Variants in CSMD1 observed in about 807,000 individuals in gnomAD.
CSMD1 encodes the protein CUB and sushi domain-containing protein 1.
CSMD1 carries 213 observed loss-of-function variants against 417.5 expected under a neutral mutation model. The observed-to-expected ratio is 0.51, with a 90% CI of 0.46 to 0.57. CSMD1 has a LOEUF of 0.57. Among genes scored for constraint, CSMD1 ranks in the 20% least tolerant of loss-of-function variants. The pLI is 0.00. For synonymous variants in CSMD1, 2,862 were observed against 1,736.8 expected, an observed-to-expected ratio of 1.65 and a Z score of -16.11; for missense variants, 6,923 against 4,529.7, an observed-to-expected ratio of 1.53 and a Z score of -15.17.
At chr8:3,607,346 C>T (rs1385103247) in intron 8 of CSMD1, among the ~76,000 whole-genome samples, 1 of 152,198 alleles carries the variant, frequency 6.6e-6, no homozygotes, top group Admixed American at 6.5e-5. Flanking sequence ...CCTGAAGGAC[C>T]TGCCTGGGGC....
chr8:3,111,897 G>T (rs1308175846), intron 42 of CSMD1, among the ~76,000 whole-genome samples: 1 of 152,058 alleles, frequency 6.6e-6, no homozygotes, highest in Non-Finnish European at 1.5e-5. Flanking sequence ...TTTGTCTCCT[G>T]TTGGCAGTGC....
intron 3 of CSMD1, among the ~76,000 whole-genome samples, chr8:4,157,346 C>G (rs1325436905): frequency 6.6e-6 from 1 of 152,202 alleles, no homozygotes; most frequent in African/African-American, 2.4e-5. Flanking sequence ...AAGATATTTA[C>G]CATCATTTTC....
chr8:4,139,572 C>T (rs540804970), intron 3 of CSMD1, among the ~76,000 whole-genome samples: 1 of 151,284 alleles, frequency 6.6e-6, no homozygotes, highest in South Asian at 2.1e-4. Context: ...GCTCCCTGAG[C>T]TGCCTATGGA....
At chr8:4,150,827 G>A (rs1354413228) in intron 3 of CSMD1, among the ~76,000 whole-genome samples, 2 of 151,970 alleles carry the variant, frequency 1.3e-5, no homozygotes, top group African/African-American at 4.8e-5. Context: ...AAGACAGGGA[G>A]GGACAGAATA....
Position 3,348,202 on chromosome 8 carries a change from G to C in CSMD1, c.3305-41C>G. ...CATGAGAGAAAGAGGATTCAAAAGTGGAATTACTGTTTTTAACAGATTAAA... is the reference window on the plus strand; with the variant it reads ...CATGAGAGAAAGAGGATTCAAAAGTCGAATTACTGTTTTTAACAGATTAAA... On this transcript the variant is annotated intron_variant, in intron 21 of 69. Coordinates refer to ENST00000635120, the MANE Select transcript of CSMD1 (RefSeq NM_033225.6). 2.0e-6 allele frequency: 3 copies of C among 1,527,968 alleles called. No individual in the cohort carries two copies. The South Asian group carries it at 3.6e-5, about 18-fold the overall frequency. 94.7% of individuals were successfully genotyped at this position (1,527,968 alleles called of 1,614,324 possible).
intron 5 of CSMD1, among the ~76,000 whole-genome samples, chr8:3,757,092 T>C (rs1402668904): frequency 6.6e-6 from 1 of 152,172 alleles, no homozygotes; most frequent in Non-Finnish European, 1.5e-5. Flanking sequence ...CGTGAACCAC[T>C]GTGCCAGCCT....
chr8:3,093,916 T>C (rs1487288909), intron 47 of CSMD1, among the ~76,000 whole-genome samples: 2 of 152,178 alleles, frequency 1.3e-5, no homozygotes, highest in Non-Finnish European at 2.9e-5. Context: ...GTGGCTGGTA[T>C]TTCATAATCA....
At position 3,326,143 on chromosome 8, in the gene CSMD1, T is replaced by A. The variant is rs146404782; in HGVS notation, c.3631+17151A>T. Among the ~76,000 whole-genome samples the A allele has an allele frequency of 5.6e-4, 85 of 152,278 alleles. 1 individual carries two copies. The East Asian group carries it at 0.015, about 26-fold the overall frequency. Reference sequence around the variant, plus strand: ...GAATCCAAGCACAGAATGGTTTCAGTGGGACGTTCGACAACATCATACACT... The same window carrying A: ...GAATCCAAGCACAGAATGGTTTCAGAGGGACGTTCGACAACATCATACACT... On this transcript the variant is annotated intron_variant, in intron 23 of 69. Transcript: ENST00000635120.
chr8:3,974,938 C>T (rs538495073), intron 5 of CSMD1, among the ~76,000 whole-genome samples: 1 of 152,012 alleles, frequency 6.6e-6, no homozygotes, highest in African/African-American at 2.4e-5. Context: ...TTACTTCGAA[C>T]AAATCAAAAC....
At chr8:4,717,437 C>T (rs1216464821) in intron 1 of CSMD1, among the ~76,000 whole-genome samples, 1 of 150,210 alleles carries the variant, frequency 6.7e-6, no homozygotes, top group Admixed American at 6.6e-5. Context: ...TACACATACA[C>T]TATATATATA....
At chr8:3,726,942 C>A (rs888296921) in intron 6 of CSMD1, among the ~76,000 whole-genome samples, 10 of 152,200 alleles carry the variant, frequency 6.6e-5, no homozygotes, top group African/African-American at 2.4e-4. Flanking sequence ...CAATTAATGA[C>A]TAAACTCTGA....
chr8:4,348,866 C>T (rs1189829881), intron 3 of CSMD1, among the ~76,000 whole-genome samples: 1 of 152,152 alleles, frequency 6.6e-6, no homozygotes, highest in East Asian at 1.9e-4. Context: ...CTTAGTTCAT[C>T]TACATGTCTG....
At chr8:3,774,322 T>C (rs189778147) in intron 5 of CSMD1, among the ~76,000 whole-genome samples, 11 of 152,218 alleles carry the variant, frequency 7.2e-5, no homozygotes, top group African/African-American at 2.6e-4. Flanking sequence ...TTCAGTAGAG[T>C]ACACAGTGCC....
intron 12 of CSMD1, among the ~76,000 whole-genome samples, chr8:3,429,357 G>A (rs546639623): frequency 1.3e-5 from 2 of 152,172 alleles, no homozygotes; most frequent in Non-Finnish European, 2.9e-5. Flanking sequence ...AAACAATTTG[G>A]TAACTTTTTA....
intron 1 of CSMD1, among the ~76,000 whole-genome samples, chr8:4,775,833 T>C (rs572501355): frequency 1.4e-4 from 22 of 152,264 alleles, no homozygotes; most frequent in African/African-American, 5.1e-4. Context: ...AAGTTCCCCT[T>C]AATATTGTTA....
chr8:3,558,630 C>CAATGATGAATGGTGT (rs1799321095), intron 10 of CSMD1, among the ~76,000 whole-genome samples: 2 of 98,590 alleles, frequency 2.0e-5, no homozygotes, highest in South Asian at 3.3e-4. Context: ...ATGAATAGTG[C>CAATGATGAATGGTGT]CTCAATAGTA....
chr8:3,834,274 C>A (rs1038936828), intron 5 of CSMD1, among the ~76,000 whole-genome samples: 6 of 152,128 alleles, frequency 3.9e-5, no homozygotes, highest in African/African-American at 2.4e-5. Context: ...GTATCTAGGG[C>A]TCTTCCAACT....
Position 4,269,419 on chromosome 8 carries a change from T to C in CSMD1, c.415+150534A>G, listed in dbSNP as rs567293701. Among the ~76,000 whole-genome samples, 32 of 152,290 alleles carry C rather than the reference T, an allele frequency of 2.1e-4. No homozygotes were observed. In the South Asian group the frequency reaches 6.4e-3, roughly 31 times the overall value. On this transcript the variant is annotated intron_variant, in intron 3 of 69. Coordinates refer to ENST00000635120, the MANE Select transcript of CSMD1 (RefSeq NM_033225.6). ...CACACTCCTAAGGCTGTGTAGCTTT[T>C]GATATTGAGAATTTTCTCTCTGAAG...
intron 26 of CSMD1, among the ~76,000 whole-genome samples, chr8:3,253,468 C>G (rs909826555): frequency 3.9e-5 from 6 of 151,936 alleles, no homozygotes; most frequent in Admixed American, 1.3e-4. Flanking sequence ...CAATTTTGGA[C>G]TAGGTGTGGT....
Sources: allele counts gnomAD v4.1 joint callset (sites outside exome capture counted in the v4.1 genomes callset), GRCh38; gene constraint gnomAD v4.1.1; transcripts MANE v1.5; gene names NCBI Gene and HGNC (gene_info 2026-07-23, HGNC 2026-07-21).